BNIP5: variants seen among roughly 807,000 people sequenced by gnomAD.
The protein encoded by BNIP5 is protein BNIP5.
Under a neutral mutation model 67.3 loss-of-function variants are expected in BNIP5, and 61 were observed. The observed-to-expected ratio is 0.91, with a 90% CI of 0.74 to 1.12. The LOEUF (loss-of-function observed/expected upper bound fraction) is 1.12, where lower values mean the gene tolerates loss of function less well. Ranked by LOEUF, BNIP5 falls within the 50% of genes most tolerant of loss-of-function variation. BNIP5 has a pLI of 0.00. For synonymous variants in BNIP5, 317 were observed against 319.0 expected (o/e 0.99, Z 0.07); for missense variants, 826 against 816.3 (o/e 1.01, Z -0.14).
At chr6:36,327,998 C>T (rs572484563) in intron 3 of BNIP5, among the ~76,000 whole-genome samples, 1 of 152,202 alleles carries the variant, frequency 6.6e-6, no homozygotes, top group Non-Finnish European at 1.5e-5. Context: ...ATATGCATAG[C>T]TCCTTCATTT....
Position 36,326,538 on chromosome 6 carries a change from G to A in BNIP5, c.1008C>T (p.Gly336=). 1 of 1,614,264 alleles carries A rather than the reference G, an allele frequency of 6.2e-7. No homozygotes were observed. The highest frequency in any genetic ancestry group is 8.5e-7 in the Non-Finnish European group (1 of 1,180,050). The part of the protein sequence containing the change: ...KSSFLPLCVS[G]HRPSISSSYG... ...AGCTGCTGGAGATGGAAGGCCGATG[G>A]CCGCTGACACACAGGGGCAGAAAGC... Residue 336 remains glycine, a synonymous_variant, in exon 5 of 12, where the codon GGC becomes GGT. Coordinates refer to ENST00000437635, the MANE Select transcript of BNIP5 (RefSeq NM_001010903.5).
chr6:36,335,239 GCGTTACTCTCTAACT>G (rs1561888783), intron 1 of BNIP5, among the ~76,000 whole-genome samples: 1 of 152,126 alleles, frequency 6.6e-6, no homozygotes, highest in African/African-American at 2.4e-5. Flanking sequence ...TCACCTGGCC[GCGTTACTCTCTAACT>G]GCTCTGGTGC....
In BNIP5 at chr6:36,321,231, A is replaced by T. The variant is rs576460075; in HGVS notation, c.1604-12T>A. On this transcript the variant is annotated splice_polypyrimidine_tract_variant and intron_variant, in intron 9 of 11. Transcript: ENST00000437635. ...GATGATGATCTCCTCTAAGGAAAAG[A>T]AAGGAGGATTGAGTGACTGTTGACT... 3.1e-6 allele frequency: 5 copies of T among 1,587,312 alleles called. No homozygotes were observed. The East Asian group carries it at 1.1e-4, about 36-fold the overall frequency.
chr6:36,323,089 G>T (rs1402981003), intron 8 of BNIP5, among the ~76,000 whole-genome samples: 8 of 152,174 alleles, frequency 5.3e-5, no homozygotes, highest in Non-Finnish European at 1.0e-4. Context: ...GCCTACTGGG[G>T]GTGGGGTCCT....
chr6:36,322,737 C>T (rs1371590956), intron 8 of BNIP5, among the ~76,000 whole-genome samples: 3 of 152,190 alleles, frequency 2.0e-5, no homozygotes, highest in Non-Finnish European at 4.4e-5. Context: ...TTTTCTGGGT[C>T]ACTTAGCCTG....
intron 10 of BNIP5, 31 bp downstream of exon 10, chr6:36,321,124 G>T (rs1200444887): frequency 1.6e-5 from 24 of 1,527,100 alleles, no homozygotes; most frequent in Non-Finnish European, 2.1e-5. Flanking sequence ...AGGCCCTGGG[G>T]TTGGCCTGGG....
At chr6:36,322,687 C>T (rs1771664181) in intron 8 of BNIP5, among the ~76,000 whole-genome samples, 1 of 152,194 alleles carries the variant, frequency 6.6e-6, no homozygotes, top group Non-Finnish European at 1.5e-5. Context: ...AACAGGTGTG[C>T]CAGCAGGGCC....
chr6:36,325,201 T>C (rs1771733065), intron 6 of BNIP5, 82 bp downstream of exon 6: 1 of 1,480,718 alleles, frequency 6.8e-7, no homozygotes, highest in Non-Finnish European at 9.4e-7. Context: ...TGCCTCTCTC[T>C]GGCTCAGTGT....
intron 9 of BNIP5, 23 bp downstream of exon 9, chr6:36,322,288 G>A: frequency 6.2e-7 from 1 of 1,613,742 alleles, no homozygotes; most frequent in Non-Finnish European, 8.5e-7. Flanking sequence ...AGCTGTCCAG[G>A]TAAGAGCAGG....
chr6:36,326,797 G>A (rs73406932), intron 4 of BNIP5, 44 bp from the exon 5 acceptor site: 102 of 1,610,452 alleles, frequency 6.3e-5, no homozygotes, highest in Admixed American at 4.0e-4. Context: ...ATGACACTGA[G>A]AGGGGGAAAG....
Position 36,319,316 on chromosome 6 carries a change from C to T in BNIP5, c.1923+40G>A, listed in dbSNP as rs781335453. The T allele has an allele frequency of 5.0e-6, 8 of 1,604,934 alleles. No individual in the cohort carries two copies. In the South Asian group the frequency reaches 7.8e-5, roughly 16 times the overall value. On this transcript the variant is annotated intron_variant, in intron 11 of 11. Transcript: ENST00000437635. ...GAGGCCAGCTGTGAGCCTGCTGTCA[C>T]TCATGCTACATTGCCATTGTCTTCC...
chr6:36,323,874 C>G (rs1396662143), intron 7 of BNIP5, among the ~76,000 whole-genome samples: 1 of 152,068 alleles, frequency 6.6e-6, no homozygotes, highest in Non-Finnish European at 1.5e-5. Flanking sequence ...GTGGCGCATG[C>G]CTGTAGTCCC....
intron 1 of BNIP5, 67 bp from the exon 2 acceptor site, chr6:36,330,761 TTTTG>T (rs960986323): frequency 6.8e-5 from 102 of 1,492,908 alleles, no homozygotes; most frequent in African/African-American, 5.6e-4. Flanking sequence ...TGTTTGTTTG[TTTTG>T]TTTGTTTTTG....
At chr6:36,325,218 G>C in intron 6 of BNIP5, 65 bp downstream of exon 6, 1 of 1,546,068 alleles carries the variant, frequency 6.5e-7, no homozygotes, top group Non-Finnish European at 8.9e-7. Context: ...GTGTCTCTTT[G>C]CAAGTGGGGG....
chr6:36,332,688 C>A (rs749279698), intron 1 of BNIP5, among the ~76,000 whole-genome samples: 4 of 150,606 alleles, frequency 2.7e-5, no homozygotes, highest in Non-Finnish European at 5.9e-5. Context: ...AAGCAGCGGC[C>A]AATGAAAAAT....
In BNIP5 at chr6:36,326,756, G is replaced by A; in HGVS notation, c.793-3C>T. ...CCCAGCTGTGAGGCCAGAGATTGCT[G>A]TTGGGGAGAGGAGAAAAACTGGTCA... On this transcript the variant is annotated splice_region_variant and splice_polypyrimidine_tract_variant and intron_variant, in intron 4 of 11. Transcript: ENST00000437635. 1 of 1,613,908 alleles carries A rather than the reference G, an allele frequency of 6.2e-7. No homozygotes were observed. Among genetic ancestry groups the A allele is most frequent in the South Asian group, 1.1e-5 (1 of 91,036 alleles).
chr6:36,320,296 G>C (rs975089125), intron 10 of BNIP5, among the ~76,000 whole-genome samples: 3 of 152,162 alleles, frequency 2.0e-5, no homozygotes, highest in Non-Finnish European at 4.4e-5. Flanking sequence ...GGCGGCCCAG[G>C]GGGTGGCAAC....
intron 1 of BNIP5, among the ~76,000 whole-genome samples, chr6:36,336,262 T>A (rs1162761043): frequency 6.6e-6 from 1 of 152,230 alleles, no homozygotes; most frequent in Non-Finnish European, 1.5e-5. Context: ...ACCTCTCATT[T>A]ATCAGGGGGT....
chr6:36,323,144 C>A (rs1582125388), intron 8 of BNIP5, 149 bp downstream of exon 8: 5 of 1,145,322 alleles, frequency 4.4e-6, no homozygotes, highest in Middle Eastern at 5.9e-4. Flanking sequence ...CCACACCCCC[C>A]ACTCTACTCA....
Sources: allele counts gnomAD v4.1 joint callset (sites outside exome capture counted in the v4.1 genomes callset), GRCh38; gene constraint gnomAD v4.1.1; transcripts MANE v1.5; gene names NCBI Gene and HGNC (gene_info 2026-07-23, HGNC 2026-07-21).